Variants in TSPAN9 observed in about 807,000 individuals in gnomAD.
TSPAN9 encodes tetraspanin 9, also known as tetraspanin-9.
TSPAN9 carries 16 observed loss-of-function variants against 31.0 expected under a neutral mutation model. The ratio of observed to expected loss-of-function variants is 0.52; its 90% CI spans 0.35 to 0.78. The LOEUF is 0.78. Ranked by LOEUF, TSPAN9 falls within the 30% of genes least tolerant of loss-of-function variation. TSPAN9 has a pLI of 0.01. For missense variants in TSPAN9, 272 were observed against 312.5 expected (o/e 0.87, Z 0.98); for synonymous variants, 145 against 121.6 (o/e 1.19, Z -1.27).
intron 3 of TSPAN9, among the ~76,000 whole-genome samples, chr12:3,271,865 G>A (rs1047786477): frequency 5.3e-5 from 8 of 152,182 alleles, no homozygotes; most frequent in Non-Finnish European, 1.0e-4. Context: ...TGGCACCGAT[G>A]TATTGTCTCT....
At chr12:3,266,212 A>T (rs1862533757) in intron 3 of TSPAN9, among the ~76,000 whole-genome samples, 1 of 152,116 alleles carries the variant, frequency 6.6e-6, no homozygotes, top group African/African-American at 2.4e-5. Context: ...CAGGCAGATG[A>T]CCCAGATCCC....
Position 3,221,385 on chromosome 12 carries a change from T to G in TSPAN9, c.63+20129T>G, listed in dbSNP as rs551776797. 6.6e-4 allele frequency among the ~76,000 whole-genome samples: 97 copies of G among 146,978 alleles called. 1 individual carries two copies. Among genetic ancestry groups the G allele is most frequent in the African/African-American group, 2.3e-3 (93 of 39,828 alleles). ...CTTTTTTTTTTTTTTTTAGATGAAG[T>G]CTCATTCTTGTCGCCCAGGCTGGAG... On this transcript the variant is annotated intron_variant, in intron 3 of 8. Transcript: ENST00000011898.
chr12:3,181,284 C>G (rs1303786786), intron 2 of TSPAN9, among the ~76,000 whole-genome samples: 1 of 152,060 alleles, frequency 6.6e-6, no homozygotes, highest in East Asian at 1.9e-4. Flanking sequence ...GGAATCGGGC[C>G]CTGGACGTAG....
At chr12:3,129,913 C>A (rs71458040) in intron 2 of TSPAN9, among the ~76,000 whole-genome samples, 20,705 of 152,124 alleles carry the variant, frequency 0.14, 1,726 homozygotes, top group Middle Eastern at 0.22. Context: ...TCATCCCTGA[C>A]CAACCCCTCC....
intron 2 of TSPAN9, among the ~76,000 whole-genome samples, chr12:3,197,710 CACCACCAGCACAGGT>C (rs2098367866): frequency 7.2e-6 from 1 of 139,636 alleles, no homozygotes; most frequent in East Asian, 2.1e-4. Context: ...CAGCACAGGT[CACCACCAGCACAGGT>C]CACCACCAGC....
intron 3 of TSPAN9, among the ~76,000 whole-genome samples, chr12:3,263,389 T>C (rs1419110488): frequency 6.6e-6 from 1 of 152,212 alleles, no homozygotes; most frequent in Non-Finnish European, 1.5e-5. Context: ...AAGGCTTACC[T>C]GTCTGTCAGC....
At chr12:3,085,561 C>G (rs1170330851) in intron 2 of TSPAN9, among the ~76,000 whole-genome samples, 8 of 152,166 alleles carry the variant, frequency 5.3e-5, no homozygotes, top group Admixed American at 1.3e-4. Context: ...GAGCCATGCT[C>G]TGGGATGTTG....
chr12:3,199,127 G>C (rs74054924), intron 2 of TSPAN9, among the ~76,000 whole-genome samples: 1 of 152,210 alleles, frequency 6.6e-6, no homozygotes, highest in Admixed American at 6.5e-5. Context: ...TTAGCACACA[G>C]TTCTAGGTGT....
chr12:3,261,841 T>C (rs1160028519), intron 3 of TSPAN9, among the ~76,000 whole-genome samples: 1 of 152,206 alleles, frequency 6.6e-6, no homozygotes, highest in Admixed American at 6.5e-5. Flanking sequence ...CACTGGGCTT[T>C]GTGTGACTGT....
intron 3 of TSPAN9, among the ~76,000 whole-genome samples, chr12:3,243,441 A>G (rs936293989): frequency 1.3e-5 from 2 of 152,160 alleles, no homozygotes; most frequent in Non-Finnish European, 2.9e-5. Context: ...GTTTCACGGC[A>G]GTTTGTGGTG....
intron 2 of TSPAN9, chr12:3,150,905 TCATC>T (rs1295384221): frequency 4.6e-5 from 7 of 152,300 alleles, no homozygotes; most frequent in Non-Finnish European, 1.0e-4. Flanking sequence ...TAAGGCCCCT[TCATC>T]CAAGCCTTTG....
At chr12:3,111,117 G>A (rs932501551) in intron 2 of TSPAN9, among the ~76,000 whole-genome samples, 2 of 152,278 alleles carry the variant, frequency 1.3e-5, no homozygotes, top group Non-Finnish European at 2.9e-5. Flanking sequence ...TCTCTCATTT[G>A]TGGCACAACG....
intron 3 of TSPAN9, among the ~76,000 whole-genome samples, chr12:3,223,663 A>G (rs747778967): frequency 6.6e-6 from 1 of 152,226 alleles, no homozygotes; most frequent in Non-Finnish European, 1.5e-5. Context: ...CAGTCCCTGC[A>G]TTTCCTCACC....
At position 3,109,268 on chromosome 12, in the gene TSPAN9, C is replaced by CTGTGTGTGTGTGTGTGTGTG. The variant is rs1226380985; in HGVS notation, c.-18+25562_-18+25581dup. 1.5e-3 allele frequency among the ~76,000 whole-genome samples: 181 copies of CTGTGTGTGTGTGTGTGTGTG among 119,310 alleles called. 2 individuals carry two copies. The highest frequency in any genetic ancestry group is 6.3e-3 in the African/African-American group (169 of 26,778). 78.3% of individuals were successfully genotyped at this position (119,310 alleles called of 152,430 possible). A position where few individuals can be genotyped will look rare whatever the true frequency, so the allele number is the denominator to read the frequency against. The stretch of plus-strand genomic sequence containing the variant: ...AGGATTCTTTACTGTTTCATATAGT[C>CTGTGTGTGTGTGTGTGTGTG]TGTGTGTGTGTGTGTGTGTGTGTGT... On this transcript the variant is annotated intron_variant, in intron 2 of 8. Transcript: ENST00000011898.
At chr12:3,204,499 G>T (rs1591675282) in intron 3 of TSPAN9, among the ~76,000 whole-genome samples, 1 of 152,186 alleles carries the variant, frequency 6.6e-6, no homozygotes, top group Non-Finnish European at 1.5e-5. Flanking sequence ...CTCACAGGCT[G>T]CTGGGTGCCT....
intron 2 of TSPAN9, among the ~76,000 whole-genome samples, chr12:3,119,154 A>AGTT: frequency 6.6e-6 from 1 of 152,274 alleles, no homozygotes; most frequent in Non-Finnish European, 1.5e-5. Flanking sequence ...ACACTGGACA[A>AGTT]GCTGCTATGC....
rs150705854 is a variant in TSPAN9 at position 3,183,396 on chromosome 12, C to T, written c.-17-17781C>T. Among the ~76,000 whole-genome samples the T allele has an allele frequency of 2.4e-3, 358 of 152,194 alleles. 2 individuals carry two copies. The highest frequency in any genetic ancestry group is 8.1e-3 in the African/African-American group (335 of 41,516). On this transcript the variant is annotated intron_variant, in intron 2 of 8. Coordinates refer to ENST00000011898, the MANE Select transcript of TSPAN9 (RefSeq NM_006675.5). ...CAGAAATGTGTAAGGGTTACCTTGG[C>T]GATTAGGTGCAAATGTATCTTCAGG...
At chr12:3,134,049 G>A (rs1365785686) in intron 2 of TSPAN9, among the ~76,000 whole-genome samples, 2 of 152,136 alleles carry the variant, frequency 1.3e-5, no homozygotes, top group African/African-American at 4.8e-5. Flanking sequence ...TAATGTAAGG[G>A]TTGCCGTCCC....
intron 2 of TSPAN9, among the ~76,000 whole-genome samples, chr12:3,154,613 C>T (rs565969909): frequency 3.3e-5 from 5 of 152,370 alleles, no homozygotes; most frequent in East Asian, 3.9e-4. Flanking sequence ...CCCTTTTCCT[C>T]AGCGTCCTGC....
Sources: allele counts gnomAD v4.1 joint callset (sites outside exome capture counted in the v4.1 genomes callset), GRCh38; gene constraint gnomAD v4.1.1; transcripts MANE v1.5; gene names NCBI Gene and HGNC (gene_info 2026-07-23, HGNC 2026-07-21).